Variants in TEX15 observed in about 807,000 individuals in gnomAD.
The protein encoded by TEX15 is testis expressed 15, meiosis and synapsis associated.
In TEX15, 171 loss-of-function variants were observed where a neutral mutation model predicts 237.3. The observed-to-expected ratio is 0.72, with a 90% CI of 0.64 to 0.82. The LOEUF is 0.82. Among genes scored for constraint, TEX15 ranks in the 40% least tolerant of loss-of-function variants. The pLI is 0.00. For missense variants in TEX15, 3,750 were observed against 3,646.5 expected, an observed-to-expected ratio of 1.03 and a Z score of -0.73; for synonymous variants, 1,338 against 1,269.8, an observed-to-expected ratio of 1.05 and a Z score of -1.14.
intron 3 of TEX15, among the ~76,000 whole-genome samples, chr8:30,883,255 C>A (rs1460648556): frequency 6.6e-6 from 1 of 152,062 alleles, no homozygotes; most frequent in Non-Finnish European, 1.5e-5. Flanking sequence ...TGAATTTAGA[C>A]GGTTTAAGTG....
rs558961976 is a variant in TEX15 at position 30,847,262 on chromosome 8, A to G, written c.2905T>C (p.Phe969Leu). 45 of 1,613,878 alleles carry G rather than the reference A, an allele frequency of 2.8e-5. No homozygotes were observed. The South Asian group carries it at 4.6e-4, about 17-fold the overall frequency. Residue 969 changes from phenylalanine to leucine, a missense_variant, in exon 8 of 11, where the codon TTT becomes CTT. Physicochemically the swap from Phe to Leu is conservative, Grantham distance 22 (BLOSUM62 0). Coordinates refer to ENST00000643185, the MANE Select transcript of TEX15 (RefSeq NM_001350162.2). ...RSVEHLASTT[F>L]PKTASSSVCV... Reference sequence around the variant, plus strand: ...ACTGAAGAACTTGCAGTTTTGGGAAATGTCGTGGAAGCCAAATGCTCTACA... The same window carrying G: ...ACTGAAGAACTTGCAGTTTTGGGAAGTGTCGTGGAAGCCAAATGCTCTACA...
At chr8:30,841,228 G>A (rs1807446435) in intron 8 of TEX15, among the ~76,000 whole-genome samples, 1 of 152,136 alleles carries the variant, frequency 6.6e-6, no homozygotes, top group Non-Finnish European at 1.5e-5. Flanking sequence ...CTGCATATAG[G>A]TTTCTTTTCT....
chr8:30,873,840 A>C (rs1423899932), intron 4 of TEX15, among the ~76,000 whole-genome samples: 1 of 152,202 alleles, frequency 6.6e-6, no homozygotes, highest in Non-Finnish European at 1.5e-5. Context: ...TTTTTGTCTA[A>C]TTGGGCAAAT....
rs746687671 is a variant in TEX15, at chr8:30,845,734, T to C, written c.4433A>G (p.Tyr1478Cys). 6.2e-7 allele frequency: 1 copy of C among 1,613,680 alleles called. No individual in the cohort carries two copies. ...GCATTTTTTCTCTCCACTTGTTTTA[T>C]AAGACTTGTGCTTTGACACATGGGT... is the stretch of plus-strand genomic sequence containing the variant. ...SLTHVSKHKS[Y>C]KTSGEKKCLS... The change falls in exon 8 of 11, where the codon TAT becomes TGT. Residue 1478 changes from tyrosine (Y) to cysteine (C), a missense_variant. Coordinates refer to ENST00000643185, the MANE Select transcript of TEX15 (RefSeq NM_001350162.2).
chr8:30,856,494 C>T lies in TEX15; in HGVS notation c.850+2174G>A, dbSNP rs565923192. Among the ~76,000 whole-genome samples, 529 of 152,032 alleles carry T rather than the reference C, an allele frequency of 3.5e-3. 2 individuals carry two copies. Among genetic ancestry groups the T allele is most frequent in the Non-Finnish European group, 6.4e-3 (434 of 67,952 alleles). On this transcript the variant is annotated intron_variant, in intron 7 of 10. Transcript: ENST00000643185. ...GCTTGAGCTTGGGAGGCGGAGGCTG[C>T]GGTGAGCCAAGTTGTGCCACAGCAT...
Position 30,881,610 on chromosome 8 carries a change from C to CTTTTTTTTTTTTTTTTT in TEX15, c.136+5556_136+5557insAAAAAAAAAAAAAAAAA, listed in dbSNP as rs1164594718. On this transcript the variant is annotated intron_variant, in intron 3 of 10. Transcript: ENST00000643185. Reference sequence around the variant, plus strand: ...TTCATTAATTATCCTTCCATCTTGACTTTTTATTTTTTTTTATTATTTTTT... The same window carrying CTTTTTTTTTTTTTTTTT: ...TTCATTAATTATCCTTCCATCTTGACTTTTTTTTTTTTTTTTTTTTTTATTTTTTTTTATTATTTTTT... Among the ~76,000 whole-genome samples the CTTTTTTTTTTTTTTTTT allele has an allele frequency of 1.9e-4, 21 of 109,454 alleles. 5 individuals are homozygous for CTTTTTTTTTTTTTTTTT. Among genetic ancestry groups the CTTTTTTTTTTTTTTTTT allele is most frequent in the South Asian group, 1.0e-3 (4 of 3,828 alleles). The allele number at this position is 109,454 out of a possible 152,430, so 71.8% of individuals were successfully genotyped here.
chr8:30,908,531 A>AT lies in TEX15; in HGVS notation c.-86+4347_-86+4348insA, dbSNP rs1334664545. On this transcript the variant is annotated intron_variant, in intron 1 of 10. Coordinates refer to ENST00000643185, the MANE Select transcript of TEX15 (RefSeq NM_001350162.2). ...TACATTAAATGCTTACATGAGCTTG[A>AT]AGTCTCTCTCTAAACAAAGCTTTAC... is the stretch of plus-strand genomic sequence containing the variant. 2.6e-5 allele frequency among the ~76,000 whole-genome samples: 4 copies of AT among 152,298 alleles called. No individual in the cohort carries two copies. The East Asian group carries it at 7.7e-4, about 29-fold the overall frequency.
intron 2 of TEX15, among the ~76,000 whole-genome samples, chr8:30,889,954 C>CACATATAT (rs1554502343): frequency 2.7e-5 from 3 of 110,086 alleles, no homozygotes; most frequent in African/African-American, 1.3e-4. Context: ...TATATATATA[C>CACATATAT]ATATATATAT....
At chr8:30,875,991 T>C (rs1808394627) in intron 3 of TEX15, among the ~76,000 whole-genome samples, 1 of 152,036 alleles carries the variant, frequency 6.6e-6, no homozygotes, top group African/African-American at 2.4e-5. Flanking sequence ...TTTTCTTTTA[T>C]TTTTTGTAGA....
At position 30,837,691 on chromosome 8, in the gene TEX15, T is replaced by C. The variant is rs367615910; in HGVS notation, c.8593A>G (p.Lys2865Glu). ...DHGTLLQKFL[K>E]NSPDPTQKSC... ...TTTTGGGTGGGATCTGGGGAATTTT[T>C]AAGAAATTTCTGCAAAAGCGTCCCA... The change falls in exon 10 of 11, where the codon AAA becomes GAA. Residue 2865 changes from lysine (K) to glutamate (E), a missense_variant. Coordinates refer to ENST00000643185, the MANE Select transcript of TEX15 (RefSeq NM_001350162.2). 64 of 1,613,852 alleles carry C rather than the reference T, an allele frequency of 4.0e-5. No individual in the cohort carries two copies. Among genetic ancestry groups the C allele is most frequent in the Non-Finnish European group, 5.2e-5 (61 of 1,179,972 alleles).
chr8:30,865,510 G>A (rs918234099), intron 5 of TEX15, among the ~76,000 whole-genome samples: 2 of 151,906 alleles, frequency 1.3e-5, no homozygotes, highest in Non-Finnish European at 2.9e-5. Flanking sequence ...AAGAAGCTAT[G>A]GGCCAATACC....
chr8:30,837,565 G>A lies in TEX15; in HGVS notation c.8719C>T (p.Pro2907Ser). ...PIFCFVKDVH[P>S]DLEMNDTVFE... ...ACTGTGTCATTCATTTCTAGATCAG[G>A]ATGGACATCTTTCACAAAACAGAAA... The change falls in exon 10 of 11, where the codon CCT (proline) becomes TCT (serine). Residue 2907 changes from proline to serine, a missense_variant. By Grantham distance (74) the Pro-to-Ser change is moderately conservative. Transcript: ENST00000643185. 3 of 1,613,954 alleles carry A rather than the reference G, an allele frequency of 1.9e-6. No homozygotes were observed. The highest frequency in any genetic ancestry group is 8.5e-7 in the Non-Finnish European group (1 of 1,179,910).
In TEX15 at chr8:30,842,479, G is replaced by A; in HGVS notation, c.7688C>T (p.Ser2563Phe). ...ATATGGCACAAAGTCAATATATGTG[G>A]AAATAAAATACTTGGACTTCTTCAG... ...KLLKKSKYFI[S>F]TYIDFVPYIA... Residue 2563 changes from serine (S) to phenylalanine (F), a missense_variant, in exon 8 of 11, where the codon TCC becomes TTC. Physicochemically the swap from Ser to Phe is radical, Grantham distance 155. Transcript: ENST00000643185. 1 of 1,613,006 alleles carries A rather than the reference G, an allele frequency of 6.2e-7. No individual in the cohort carries two copies. Among genetic ancestry groups the A allele is most frequent in the Non-Finnish European group, 8.5e-7 (1 of 1,179,746 alleles).
chr8:30,872,742 C>T (rs1188913008), intron 4 of TEX15, among the ~76,000 whole-genome samples: 1 of 151,040 alleles, frequency 6.6e-6, no homozygotes, highest in African/African-American at 2.4e-5. Flanking sequence ...ATAAAGAGTT[C>T]TAAAAGTTAA....
At chr8:30,871,748 T>C (rs1808296245) in intron 4 of TEX15, among the ~76,000 whole-genome samples, 1 of 152,058 alleles carries the variant, frequency 6.6e-6, no homozygotes, top group Non-Finnish European at 1.5e-5. Flanking sequence ...CAACCCAAAG[T>C]CTCACTGAAT....
chr8:30,834,685 GT>G (rs1384174339), intron 10 of TEX15, among the ~76,000 whole-genome samples: 115 of 152,300 alleles, frequency 7.6e-4, no homozygotes, highest in African/African-American at 2.1e-3. Context: ...AGAACATTAA[GT>G]TGTTCAACGT....
Position 30,848,978 on chromosome 8 carries a change from A to C in TEX15, c.1189T>G (p.Leu397Val), listed in dbSNP as rs1427347479. The change falls in exon 8 of 11, where the codon TTG (leucine) becomes GTG (valine). Residue 397 changes from leucine (L) to valine (V), a missense_variant. Physicochemically the swap from Leu to Val is conservative, Grantham distance 32. Transcript: ENST00000643185. Reference sequence around the variant, plus strand: ...TTTTTAAGACTTGTCCAATTTAACAAAAGGTCACCATTAACACTGTCTTTG... The same window carrying C: ...TTTTTAAGACTTGTCCAATTTAACACAAGGTCACCATTAACACTGTCTTTG... The part of the protein sequence containing the change: ...DAKDSVNGDL[L>V]LNWTSLKNIL... 2 of 1,614,164 alleles carry C rather than the reference A, an allele frequency of 1.2e-6. No homozygotes were observed. Among genetic ancestry groups the C allele is most frequent in the Admixed American group, 1.7e-5 (1 of 60,026 alleles).
intron 5 of TEX15, among the ~76,000 whole-genome samples, 161 bp downstream of exon 5, chr8:30,867,104 G>A (rs1808188618): frequency 6.7e-6 from 1 of 149,512 alleles, no homozygotes; most frequent in East Asian, 1.9e-4. Flanking sequence ...GAGGAAAGGA[G>A]AAAATTTTGA....
At chr8:30,903,234 T>C (rs1002595479) in intron 1 of TEX15, among the ~76,000 whole-genome samples, 2 of 152,220 alleles carry the variant, frequency 1.3e-5, no homozygotes, top group African/African-American at 4.8e-5. Context: ...CCTGTATCTA[T>C]CTAATTATAT....
Sources: gnomAD v4.1 joint callset for allele counts (sites outside exome capture counted in the v4.1 genomes callset) on GRCh38, gnomAD v4.1.1 for gene constraint, MANE v1.5 for transcripts, NCBI Gene and HGNC (gene_info 2026-07-23, HGNC 2026-07-21) for gene names.